The following SAE1 variants were observed in gnomAD, a reference collection of about 807,000 sequenced individuals.
The protein encoded by SAE1 is SUMO-activating enzyme subunit 1.
A neutral mutation model predicts 40.6 loss-of-function variants in SAE1; 11 were observed. That is an observed-to-expected ratio of 0.27 (90% CI 0.17 to 0.45). SAE1 has a LOEUF of 0.45. Ranked by LOEUF, SAE1 falls within the 20% of genes least tolerant of loss-of-function variation. The pLI, the probability that SAE1 is intolerant of heterozygous loss-of-function variation, is 1.00. For missense variants in SAE1, 373 were observed against 427.3 expected, an observed-to-expected ratio of 0.87 and a Z score of 1.12; for synonymous variants, 155 against 154.3, an observed-to-expected ratio of 1.00 and a Z score of -0.03.
chr19:47,208,058 ACT>A (rs1427025321), intron 8 of SAE1, among the ~76,000 whole-genome samples: 1 of 150,138 alleles, frequency 6.7e-6, no homozygotes, highest in Non-Finnish European at 1.5e-5. Context: ...AAGCCTAGCG[ACT>A]CTATGTCCTC....
intron 8 of SAE1, among the ~76,000 whole-genome samples, chr19:47,208,039 C>G (rs957629940): frequency 6.6e-6 from 1 of 152,150 alleles, no homozygotes; most frequent in African/African-American, 2.4e-5. Flanking sequence ...CAGCCCTGAC[C>G]CCCTGTGGAA....
At chr19:47,178,260 C>A (rs886465167) in intron 6 of SAE1, among the ~76,000 whole-genome samples, 1 of 151,806 alleles carries the variant, frequency 6.6e-6, no homozygotes, top group Non-Finnish European at 1.5e-5. Context: ...AAAAAGAAAT[C>A]TATCTATCTA....
Position 47,130,861 on chromosome 19 carries a change from A to G in SAE1, c.-70A>G, listed in dbSNP as rs1600138950. On this transcript the variant is annotated 5_prime_UTR_variant, in exon 1 of 9. Coordinates refer to ENST00000270225, the MANE Select transcript of SAE1 (RefSeq NM_005500.3). ...CTCCGGGCGTGCTGCCGGCGGCGGT[A>G]GGTGGCGCGCGGGTCCGGCGGGCGG... 6.5e-7 allele frequency: 1 copy of G among 1,543,374 alleles called. No homozygotes were observed. Among genetic ancestry groups the G allele is most frequent in the Non-Finnish European group, 8.7e-7 (1 of 1,144,206 alleles).
In SAE1 at chr19:47,194,883, C is replaced by T. The variant is rs566912827; in HGVS notation, c.734-2350C>T. 2.6e-5 allele frequency among the ~76,000 whole-genome samples: 4 copies of T among 151,756 alleles called. No homozygotes were observed. The South Asian group carries it at 8.3e-4, about 32-fold the overall frequency. On this transcript the variant is annotated intron_variant, in intron 6 of 8. Transcript: ENST00000270225. The stretch of plus-strand genomic sequence containing the variant: ...TCAGCCTCCCAAGTACCTGGGACTA[C>T]AGGCGTGCGCCACCACGCCTGGCTA...
chr19:47,147,791 C>T (rs1251712557), intron 2 of SAE1, among the ~76,000 whole-genome samples: 3 of 146,606 alleles, frequency 2.0e-5, no homozygotes. Flanking sequence ...CAGAGTCTCG[C>T]TCTGTTGCCC....
chr19:47,176,840 T>C (rs2058471700), intron 6 of SAE1, among the ~76,000 whole-genome samples: 1 of 152,238 alleles, frequency 6.6e-6, no homozygotes, highest in Admixed American at 6.5e-5. Context: ...CTCTTCTTTT[T>C]ATTATTCTCC....
At chr19:47,171,007 G>A (rs1198552123) in intron 6 of SAE1, among the ~76,000 whole-genome samples, 3 of 152,034 alleles carry the variant, frequency 2.0e-5, no homozygotes, top group South Asian at 4.2e-4. Flanking sequence ...ATGGAGTCTC[G>A]CTCTGTCCCC....
Position 47,152,962 on chromosome 19 carries a change from G to A in SAE1, c.449G>A (p.Ser150Asn), listed in dbSNP as rs1433892613. The change falls in exon 4 of 9, where the codon AGC (serine) becomes AAC (asparagine). Residue 150 changes from serine (S) to asparagine (N), a missense_variant. By Grantham distance (46) the Ser-to-Asn change is conservative. This residue lies in a region of SAE1 where 351 missense variants were observed against 390.6 expected (regional missense o/e 0.90). Coordinates refer to ENST00000270225, the MANE Select transcript of SAE1 (RefSeq NM_005500.3). ...VKVDQICHKNSIKFFTGDVFG... is the reference protein window; with the variant it reads ...VKVDQICHKNNIKFFTGDVFG... The stretch of plus-strand genomic sequence containing the variant: ...GTTGACCAGATCTGTCACAAAAATA[G>A]CATCAAGTTCTTTACAGGAGATGTT... The A allele has an allele frequency of 1.2e-6, 2 of 1,612,548 alleles. No individual in the cohort carries two copies. The highest frequency in any genetic ancestry group is 1.7e-6 in the Non-Finnish European group (2 of 1,179,812).
In SAE1 at chr19:47,154,883, GTGCTGAGCAACTTACGC is replaced by G. The variant is rs990865144; in HGVS notation, c.528-226_528-210del. 3.3e-5 allele frequency among the ~76,000 whole-genome samples: 5 copies of G among 152,164 alleles called. No homozygotes were observed. The South Asian group carries it at 1.0e-3, about 32-fold the overall frequency. On this transcript the variant is annotated intron_variant, in intron 4 of 8. Transcript: ENST00000270225. Reference sequence around the variant, plus strand: ...TGAGAGCAGCTGTGTGCCCAGCAGTGTGCTGAGCAACTTACGCTGCTCTGTTTTTCCCACAATAATTT... The same window carrying G: ...TGAGAGCAGCTGTGTGCCCAGCAGTGTGCTCTGTTTTTCCCACAATAATTT...
At chr19:47,135,679 C>G (rs2058174810) in intron 1 of SAE1, 1 of 152,076 alleles carries the variant, frequency 6.6e-6, no homozygotes. Flanking sequence ...TATTTTAGTA[C>G]AGGTGGGGTT....
intron 7 of SAE1, among the ~76,000 whole-genome samples, chr19:47,202,054 T>G (rs1177994014): frequency 6.6e-6 from 1 of 152,142 alleles, no homozygotes; most frequent in African/African-American, 2.4e-5. Context: ...CGGAGGTGCC[T>G]TTGGACACAG....
chr19:47,142,965 T>A (rs894954192), intron 1 of SAE1, among the ~76,000 whole-genome samples: 1 of 152,232 alleles, frequency 6.6e-6, no homozygotes, highest in East Asian at 1.9e-4. Context: ...TTCACCGCCT[T>A]ATTTCCACAC....
intron 4 of SAE1, 91 bp from the exon 5 acceptor site, chr19:47,155,023 A>G (rs2058312359): frequency 2.5e-6 from 2 of 801,308 alleles, no homozygotes; most frequent in South Asian, 3.0e-5. Context: ...CTTAACCACC[A>G]TCCCGATCTG....
chr19:47,147,560 C>T (rs936137068), intron 2 of SAE1, among the ~76,000 whole-genome samples: 1 of 151,606 alleles, frequency 6.6e-6, no homozygotes, highest in Non-Finnish European at 1.5e-5. Flanking sequence ...TCAAGTGATT[C>T]TCCTGTCTCA....
rs1456944783 is a variant in SAE1 at position 47,191,205 on chromosome 19, G to A, written c.734-6028G>A. Among the ~76,000 whole-genome samples the A allele has an allele frequency of 3.3e-5, 5 of 152,086 alleles. No homozygotes were observed. In the East Asian group the frequency reaches 9.6e-4, roughly 29 times the overall value. The stretch of plus-strand genomic sequence containing the variant: ...GCAGGAGGATCACTTAAGGTCAGAA[G>A]TTCGAGACCAGCCTGGCCAACATAG... On this transcript the variant is annotated intron_variant, in intron 6 of 8. Transcript: ENST00000270225.
chr19:47,150,267 T>G lies in SAE1; in HGVS notation c.276T>G (p.Ala92=). Residue 92 remains alanine, a synonymous_variant, in exon 3 of 9, where the codon GCT becomes GCG. Coordinates refer to ENST00000270225, the MANE Select transcript of SAE1 (RefSeq NM_005500.3). ...IRTGSVGRNR[A]EASLERAQNL... ...CTGGGTCTGTTGGCCGAAATAGGGC[T>G]GAAGCCTCTTTGGAGCGAGCTCAGA... 1 of 1,613,854 alleles carries G rather than the reference T, an allele frequency of 6.2e-7. No individual in the cohort carries two copies. Among genetic ancestry groups the G allele is most frequent in the Non-Finnish European group, 8.5e-7 (1 of 1,179,908 alleles).
chr19:47,178,661 CAG>C (rs2058485430), intron 6 of SAE1, among the ~76,000 whole-genome samples: 1 of 152,112 alleles, frequency 6.6e-6, no homozygotes, highest in Admixed American at 6.6e-5. Context: ...TTAGTGGAGA[CAG>C]GGTTTCGCCA....
chr19:47,151,451 TG>T (rs1600160571), intron 3 of SAE1, among the ~76,000 whole-genome samples: 2 of 151,528 alleles, frequency 1.3e-5, no homozygotes, highest in African/African-American at 4.9e-5. Flanking sequence ...GCACCTGGCC[TG>T]TTTTTTACAC....
chr19:47,193,160 A>C (rs1236130334), intron 6 of SAE1, among the ~76,000 whole-genome samples: 3 of 150,178 alleles, frequency 2.0e-5, no homozygotes, highest in Non-Finnish European at 3.0e-5. Flanking sequence ...CGGGTTCAAG[A>C]GATTCTCCTG....
Sources: gnomAD v4.1 joint callset for allele counts (sites outside exome capture counted in the v4.1 genomes callset) on GRCh38, gnomAD v4.1.1 for gene constraint, gnomAD v4.1.1 regional missense constraint, MANE v1.5 for transcripts, NCBI Gene and HGNC (gene_info 2026-07-23, HGNC 2026-07-21) for gene names.